Variants in OSMR observed in about 807,000 individuals in gnomAD.
OSMR encodes oncostatin-M-specific receptor subunit beta.
OSMR carries 81 observed loss-of-function variants against 99.9 expected under a neutral mutation model. That is an observed-to-expected ratio of 0.81 (90% CI 0.68 to 0.97). The LOEUF (loss-of-function observed/expected upper bound fraction) is 0.97, where lower values mean the gene tolerates loss of function less well. Ranked by LOEUF, OSMR falls within the 50% of genes least tolerant of loss-of-function variation. The pLI is 0.00. For synonymous variants in OSMR, 406 were observed against 410.4 expected, an observed-to-expected ratio of 0.99 and a Z score of 0.13; for missense variants, 1,099 against 1,153.4, an observed-to-expected ratio of 0.95 and a Z score of 0.68.
chr5:38,925,123 C>T lies in OSMR; in HGVS notation c.2045-81C>T, dbSNP rs1008271525. ...CTGAGTTAACAAGAGCATTAGTGTCCAGCTCTCTCACAAGATGTTTACAAC... is the reference window on the plus strand; with the variant it reads ...CTGAGTTAACAAGAGCATTAGTGTCTAGCTCTCTCACAAGATGTTTACAAC... On this transcript the variant is annotated intron_variant, in intron 14 of 17. Transcript: ENST00000274276. 1.9e-6 allele frequency: 3 copies of T among 1,581,766 alleles called. No homozygotes were observed. In the South Asian group the frequency reaches 3.4e-5, roughly 18 times the overall value.
chr5:38,945,169 C>T, downstream of OSMR: 1 of 866,064 alleles, frequency 1.2e-6, no homozygotes, highest in Non-Finnish European at 1.8e-6. Context: ...AACATCTTCT[C>T]TAATTGTATG....
chr5:38,890,152 G>A (rs754549134), intron 7 of OSMR, among the ~76,000 whole-genome samples: 41 of 152,274 alleles, frequency 2.7e-4, no homozygotes, highest in Non-Finnish European at 4.6e-4. Context: ...CATTGAAATT[G>A]TTGAGGTTTG....
rs1742827743 is a variant in OSMR at position 38,876,285 on chromosome 5, C to G, written c.158C>G (p.Thr53Ser). 1 of 1,613,108 alleles carries G rather than the reference C, an allele frequency of 6.2e-7. No individual in the cohort carries two copies. The highest frequency in any genetic ancestry group is 2.2e-5 in the East Asian group (1 of 44,856). The part of the protein sequence containing the change: ...STRQSLHLQW[T>S]VHNLPYHQEL... ...CGTCAGAGTTTGCACTTACAATGGA[C>G]TGTCCACAACCTTCCTTATCATCAG... The change falls in exon 3 of 18, where the codon ACT (threonine) becomes AGT (serine). Residue 53 changes from threonine (T) to serine (S), a missense_variant. Physicochemically the swap from Thr to Ser is moderately conservative, Grantham distance 58. Transcript: ENST00000274276.
rs1214297145 is a variant in OSMR, at chr5:38,846,371, C to T, written c.-30C>T. 1 of 152,324 alleles carries T rather than the reference C, an allele frequency of 6.6e-6. No homozygotes were observed. The highest frequency in any genetic ancestry group is 2.4e-5 in the African/African-American group (1 of 41,466). 9.4% of individuals were successfully genotyped at this position (152,324 alleles called of 1,614,324 possible). ...GGACGGCGCTCGGAGGGTCCTCGCC[C>T]CCGGCCTGCCTACCTGGTGGGTGAA... On this transcript the variant is annotated 5_prime_UTR_variant, in exon 1 of 18. Coordinates refer to ENST00000274276, the MANE Select transcript of OSMR (RefSeq NM_003999.3).
rs770025486 is a variant in OSMR at position 38,903,894 on chromosome 5, A to T, written c.1004A>T (p.Asn335Ile). ...FNLTHRVYLMNPFSVNFENVN... is the reference protein window; with the variant it reads ...FNLTHRVYLMIPFSVNFENVN... The stretch of plus-strand genomic sequence containing the variant: ...TTTTTTTTGACAGTTTATTTAATGA[A>T]TCCTTTTAGTGTCAACTTTGAAAAT... The change falls in exon 8 of 18, where the codon AAT becomes ATT. Residue 335 changes from asparagine to isoleucine, a missense_variant. Asn to Ile is a moderately radical substitution (Grantham distance 149). Coordinates refer to ENST00000274276, the MANE Select transcript of OSMR (RefSeq NM_003999.3). 6.2e-7 allele frequency: 1 copy of T among 1,612,692 alleles called. No individual in the cohort carries two copies.
At chr5:38,882,587 C>CA (rs1192806239) in intron 4 of OSMR, among the ~76,000 whole-genome samples, 1 of 150,340 alleles carries the variant, frequency 6.7e-6, no homozygotes, top group Non-Finnish European at 1.5e-5. Flanking sequence ...ACACACACAC[C>CA]AAAAAAACAA....
rs1310936017 is a variant in OSMR, at chr5:38,862,378, C to T, written c.-13-6654C>T. Among the ~76,000 whole-genome samples, 8 of 80,158 alleles carry T rather than the reference C, an allele frequency of 1.0e-4. 1 individual carries two copies. Among genetic ancestry groups the T allele is most frequent in the South Asian group, 1.3e-3 (2 of 1,520 alleles). The allele number at this position is 80,158 out of a possible 152,430, so 52.6% of individuals were successfully genotyped here. On this transcript the variant is annotated intron_variant, in intron 1 of 17. Transcript: ENST00000274276. ...CCCAGTAGGGGCGGCCGGGCAGAGG[C>T]GCCCCTCACCTCCCGGATGGGGCGG...
chr5:38,852,758 T>C (rs1420005898), intron 1 of OSMR, among the ~76,000 whole-genome samples: 1 of 113,362 alleles, frequency 8.8e-6, no homozygotes, highest in Non-Finnish European at 1.8e-5. Flanking sequence ...TGAGACGGAG[T>C]CTCACTCTTT....
At position 38,921,728 on chromosome 5, in the gene OSMR, G is replaced by C; in HGVS notation, c.1699G>C (p.Asp567His). Residue 567 changes from aspartate to histidine, a missense_variant, in exon 12 of 18, where the codon GAT becomes CAT. Physicochemically the swap from Asp to His is moderately conservative, Grantham distance 81. Transcript: ENST00000274276. ...YVVDWCDHTQ[D>H]VLGDFQWKNV... ...TGTGGACTGGTGTGACCATACCCAG[G>C]ATGTGCTCGGTGATTTCCAGTGGAA... 6.2e-7 allele frequency: 1 copy of C among 1,614,128 alleles called. No individual in the cohort carries two copies. Among genetic ancestry groups the C allele is most frequent in the Non-Finnish European group, 8.5e-7 (1 of 1,180,014 alleles).
intron 7 of OSMR, among the ~76,000 whole-genome samples, chr5:38,901,945 C>T (rs1007580987): frequency 2.0e-5 from 3 of 152,120 alleles, no homozygotes; most frequent in Non-Finnish European, 4.4e-5. Flanking sequence ...TTAGAGGATG[C>T]CACAAGAGAC....
intron 1 of OSMR, among the ~76,000 whole-genome samples, chr5:38,863,948 C>G (rs1741722299): frequency 6.6e-6 from 1 of 152,138 alleles, no homozygotes; most frequent in South Asian, 2.1e-4. Flanking sequence ...TTCTTAACAT[C>G]TGTTTTATCT....
chr5:38,848,292 A>G (rs1447580605), intron 1 of OSMR, among the ~76,000 whole-genome samples: 1 of 152,150 alleles, frequency 6.6e-6, no homozygotes, highest in African/African-American at 2.4e-5. Context: ...ACCAAAACAA[A>G]TAGAATATCA....
intron 1 of OSMR, among the ~76,000 whole-genome samples, chr5:38,852,397 G>T (rs1056736068): frequency 9.9e-5 from 15 of 152,120 alleles, no homozygotes; most frequent in Non-Finnish European, 1.5e-4. Context: ...CCTCTGTAAG[G>T]TTGTATGCTT....
intron 5 of OSMR, 113 bp from the exon 6 acceptor site, chr5:38,885,236 C>T: frequency 1.3e-6 from 2 of 1,556,678 alleles, no homozygotes; most frequent in Non-Finnish European, 1.7e-6. Context: ...ACCTCAGTGA[C>T]CCCTTCCTTG....
At chr5:38,868,894 C>T (rs1706974115) in intron 1 of OSMR, 138 bp from the exon 2 acceptor site, 2 of 1,001,426 alleles carry the variant, frequency 2.0e-6, no homozygotes, top group East Asian at 2.7e-5. Context: ...CTCTAAAGTA[C>T]CATGACAAGA....
In OSMR at chr5:38,885,504, A is replaced by G. The variant is rs375933375; in HGVS notation, c.839+20A>G. 7.6e-5 allele frequency: 122 copies of G among 1,613,900 alleles called. No homozygotes were observed. The African/African-American group carries it at 1.4e-3, about 19-fold the overall frequency. ...TGAATCGTAAGTTGGCTCTGGTTAC[A>G]TTATTGACAACTTCTTCCTTGCTTG... On this transcript the variant is annotated intron_variant, in intron 6 of 17. Transcript: ENST00000274276.
chr5:38,940,478 A>G (rs1044207917), downstream of OSMR: 1 of 232,778 alleles, frequency 4.3e-6, no homozygotes, highest in African/African-American at 2.2e-5. Flanking sequence ...AAGACCAAAG[A>G]CCACGATGAC....
At chr5:38,891,824 C>T (rs567025208) in intron 7 of OSMR, among the ~76,000 whole-genome samples, 136 of 152,336 alleles carry the variant, frequency 8.9e-4, no homozygotes, top group African/African-American at 3.1e-3. Context: ...CCCACTGCTC[C>T]TCACTAAGAC....
chr5:38,941,744 A>T (rs991221945), intron 1 of OSMR: 1 of 232,322 alleles, frequency 4.3e-6, no homozygotes, highest in African/African-American at 2.2e-5. Context: ...CTTTGAGGTT[A>T]TAAACCTCTG....
Sources: allele counts gnomAD v4.1 joint callset (sites outside exome capture counted in the v4.1 genomes callset), GRCh38; gene constraint gnomAD v4.1.1; transcripts MANE v1.5; gene names NCBI Gene and HGNC (gene_info 2026-07-23, HGNC 2026-07-21).